The following TENM2 variants were observed in gnomAD, a reference collection of about 807,000 sequenced individuals.
The protein encoded by TENM2 is teneurin transmembrane protein 2.
A neutral mutation model predicts 245.2 loss-of-function variants in TENM2; 52 were observed. The ratio of observed to expected loss-of-function variants is 0.21; its 90% confidence interval spans 0.17 to 0.27. The LOEUF (loss-of-function observed/expected upper bound fraction) is 0.27, where lower values mean the gene tolerates loss of function less well. Among genes scored for constraint, TENM2 ranks in the 10% least tolerant of loss-of-function variants. TENM2 has a pLI of 1.00. For synonymous variants in TENM2, 1,363 were observed against 1,438.9 expected (o/e 0.95, Z 1.19); for missense variants, 3,046 against 3,666.8 (o/e 0.83, Z 4.37).
chr5:167,468,343 C>T, intron 2 of TENM2, among the ~76,000 whole-genome samples: 1 of 152,130 alleles, frequency 6.6e-6, no homozygotes, highest in East Asian at 1.9e-4. Context: ...GTCTACTTTG[C>T]AACACTAGAA....
intron 23 of TENM2, among the ~76,000 whole-genome samples, chr5:168,225,288 A>G (rs1764058200): frequency 6.6e-6 from 1 of 152,242 alleles, no homozygotes; most frequent in African/African-American, 2.4e-5. Context: ...GGAGATGACA[A>G]GTGAGACAAG....
At chr5:167,364,538 A>G (rs1475027018) in intron 1 of TENM2, among the ~76,000 whole-genome samples, 1 of 152,138 alleles carries the variant, frequency 6.6e-6, no homozygotes, top group Non-Finnish European at 1.5e-5. Flanking sequence ...ACAAGACCTA[A>G]TTATATGCTG....
intron 5 of TENM2, among the ~76,000 whole-genome samples, chr5:168,024,617 CCT>C (rs1263332048): frequency 6.6e-6 from 1 of 152,188 alleles, no homozygotes; most frequent in African/African-American, 2.4e-5. Context: ...ACGCTGAGCT[CCT>C]CTGTCAGCAC....
At chr5:167,482,617 T>G (rs958365980) in intron 2 of TENM2, among the ~76,000 whole-genome samples, 1 of 152,190 alleles carries the variant, frequency 6.6e-6, no homozygotes, top group Admixed American at 6.5e-5. Flanking sequence ...AAGCTACTCT[T>G]AGTTGCTTGA....
rs530890565 is a variant in TENM2 at position 167,360,261 on chromosome 5, A to T, written c.227-14937A>T. On this transcript the variant is annotated intron_variant, in intron 1 of 28. Coordinates refer to ENST00000518659, the Ensembl canonical transcript of TENM2. Reference sequence around the variant, plus strand: ...CCTAAAAAAGGTGTCAGATACTTAGACATTATGTTAACTGTTTAATGTCTG... The same window carrying T: ...CCTAAAAAAGGTGTCAGATACTTAGTCATTATGTTAACTGTTTAATGTCTG... 9.8e-5 allele frequency among the ~76,000 whole-genome samples: 15 copies of T among 152,356 alleles called. No homozygotes were observed. The East Asian group carries it at 2.9e-3, about 29-fold the overall frequency.
intron 2 of TENM2, among the ~76,000 whole-genome samples, chr5:167,716,085 G>A (rs1759237113): frequency 6.6e-6 from 1 of 152,118 alleles, no homozygotes; most frequent in Admixed American, 6.5e-5. Context: ...CCAGGAGCCC[G>A]AGGCTCTTCA....
In TENM2 at chr5:167,420,405, G is replaced by T. The variant is rs1008439877; in HGVS notation, c.502+44932G>T. On this transcript the variant is annotated intron_variant, in intron 2 of 28. Coordinates refer to ENST00000518659, the Ensembl canonical transcript of TENM2. ...TGTATAGCTGGTAATAAGTATGATG[G>T]CAAGTGGAGTGGAGTGGGCTTTACA... 2.0e-5 allele frequency among the ~76,000 whole-genome samples: 3 copies of T among 152,108 alleles called. No individual in the cohort carries two copies. In the South Asian group the frequency reaches 6.2e-4, roughly 32 times the overall value.
the TENM2 span, among the ~76,000 whole-genome samples, chr5:167,160,435 A>G: frequency 1.3e-5 from 2 of 152,222 alleles, no homozygotes; most frequent in Non-Finnish European, 2.9e-5. Flanking sequence ...TTCCAACAAG[A>G]TGAAGGAAGA....
chr5:168,120,882 A>G (rs572797598), intron 10 of TENM2, among the ~76,000 whole-genome samples: 1 of 152,236 alleles, frequency 6.6e-6, no homozygotes, highest in Non-Finnish European at 1.5e-5. Flanking sequence ...CTGCATAAAC[A>G]TGGTTGTACT....
exon 6 of TENM2, chr5:168,047,475 A>G: frequency 3.2e-6 from 5 of 1,551,724 alleles, no homozygotes; most frequent in Non-Finnish European, 3.5e-6. Context: ...GCAGATGGGC[A>G]CACCTTTAAC....
the TENM2 span, among the ~76,000 whole-genome samples, chr5:167,015,981 A>G: frequency 0.68 from 102,831 of 151,892 alleles, 37,198 homozygotes; most frequent in Non-Finnish European, 0.83. Flanking sequence ...GTGACCAGGC[A>G]CGGTGGCTCA....
chr5:167,045,229 T>C, the TENM2 span, among the ~76,000 whole-genome samples: 2 of 152,184 alleles, frequency 1.3e-5, no homozygotes, highest in African/African-American at 4.8e-5. Flanking sequence ...TCCGGACTTA[T>C]TAGCTATCTA....
In TENM2 at chr5:168,110,039, C is replaced by CT. The variant is rs5873091; in HGVS notation, c.1814-8233dup. Among the ~76,000 whole-genome samples, 664 of 121,874 alleles carry CT rather than the reference C, an allele frequency of 5.4e-3. 9 individuals carry two copies. The East Asian group carries it at 0.062, about 11-fold the overall frequency. The allele number at this position is 121,874 out of a possible 152,430, so 80.0% of individuals were successfully genotyped here. ...ATTGCTTCTGAGATTAAGAACCCTT[C>CT]TTTTTTTTTTTTTTTTTTTTCCTTT... On this transcript the variant is annotated intron_variant, in intron 9 of 28. Coordinates refer to ENST00000518659, the Ensembl canonical transcript of TENM2.
At chr5:168,144,164 TA>T (rs1755828343) in intron 12 of TENM2, among the ~76,000 whole-genome samples, 2 of 152,106 alleles carry the variant, frequency 1.3e-5, no homozygotes. Flanking sequence ...CAGCCTACTA[TA>T]CTTCTTTTAA....
intron 1 of TENM2, among the ~76,000 whole-genome samples, chr5:167,300,885 G>A (rs1755271689): frequency 6.6e-6 from 1 of 152,116 alleles, no homozygotes; most frequent in African/African-American, 2.4e-5. Context: ...CTGGGCAGGT[G>A]GAGATAACTA....
intron 18 of TENM2, among the ~76,000 whole-genome samples, chr5:168,204,139 A>G (rs1169246812): frequency 6.6e-6 from 1 of 151,130 alleles, no homozygotes; most frequent in Non-Finnish European, 1.5e-5. Context: ...GCCTACCAGG[A>G]AGCTGGGATT....
chr5:168,048,173 GA>G (rs539879120), intron 6 of TENM2, among the ~76,000 whole-genome samples: 11 of 104,290 alleles, frequency 1.1e-4, no homozygotes, highest in African/African-American at 3.0e-4. Flanking sequence ...TCCTTGAAGG[GA>G]AAAAAAAAGG....
chr5:168,201,343 C>CAT (rs1761924526), intron 17 of TENM2, among the ~76,000 whole-genome samples: 1 of 151,464 alleles, frequency 6.6e-6, no homozygotes, highest in African/African-American at 2.4e-5. Context: ...TATATATGCA[C>CAT]ATATATATAC....
At chr5:167,195,419 A>T in the TENM2 span, among the ~76,000 whole-genome samples, 1 of 151,996 alleles carries the variant, frequency 6.6e-6, no homozygotes, top group Non-Finnish European at 1.5e-5. Flanking sequence ...AAGATCAGGG[A>T]TCCACAATTT....
Sources: gnomAD v4.1 joint callset for allele counts (sites outside exome capture counted in the v4.1 genomes callset) on GRCh38, gnomAD v4.1.1 for gene constraint, MANE v1.5 for transcripts, NCBI Gene and HGNC (gene_info 2026-07-23, HGNC 2026-07-21) for gene names.